AFF2: variants seen among roughly 807,000 people sequenced by gnomAD.
AFF2 encodes ALF transcription elongation factor 2.
In AFF2, 14 loss-of-function variants were observed where a neutral mutation model predicts 76.9. The ratio of observed to expected loss-of-function variants is 0.18; its 90% CI spans 0.12 to 0.28. The LOEUF is 0.28. Among genes scored for constraint, AFF2 ranks in the 10% least tolerant of loss-of-function variants. AFF2 has a pLI of 1.00. For synonymous variants in AFF2, 398 were observed against 366.7 expected (o/e 1.09, Z -0.98); for missense variants, 868 against 1,001.1 (o/e 0.87, Z 1.79).
In AFF2 at chrX:148,837,743, C is replaced by T. The variant is rs782479281; in HGVS notation, c.1173+10C>T. On this transcript the variant is annotated intron_variant, in intron 5 of 20. Coordinates refer to ENST00000370460, the MANE Select transcript of AFF2 (RefSeq NM_002025.4). ...TTCCATCCCAGGACAGGTCAGTTCT[C>T]TTCCTTCCTGCATTTTTGTTTGTCT... 4.5e-6 allele frequency: 5 copies of T among 1,116,910 alleles called. No homozygotes were observed. The South Asian group carries it at 5.8e-5, about 13-fold the overall frequency. The allele number at this position is 1,116,910 out of a possible 1,213,427, so 92.0% of individuals were successfully genotyped here. A position where few individuals can be genotyped will look rare whatever the true frequency, so the allele number is the denominator to read the frequency against.
chrX:148,720,149 C>T lies in AFF2; in HGVS notation c.1041+57381C>T, dbSNP rs138474497. ...CTATGAGCATAATATACTCCAACTA[C>T]AGTAATTCACCTTGCTGAAGTGGCT... On this transcript the variant is annotated intron_variant, in intron 3 of 20. Transcript: ENST00000370460. Among the ~76,000 whole-genome samples the T allele has an allele frequency of 7.6e-3, 848 of 111,063 alleles. 7 individuals carry two copies. The highest frequency in any genetic ancestry group is 0.026 in the African/African-American group (803 of 30,553).
chrX:148,703,407 C>A (rs1410977784), intron 3 of AFF2, among the ~76,000 whole-genome samples: 1 of 112,034 alleles, frequency 8.9e-6, no homozygotes, highest in African/African-American at 3.2e-5. Flanking sequence ...CCAAATGATT[C>A]TTTTAAAAAT....
chrX:148,528,129 G>A (rs1557235438), intron 1 of AFF2, among the ~76,000 whole-genome samples: 1 of 111,945 alleles, frequency 8.9e-6, no homozygotes, highest in Admixed American at 9.5e-5. Context: ...GCTAGGAGAA[G>A]AGCAAAGACT....
intron 7 of AFF2, among the ~76,000 whole-genome samples, chrX:148,876,260 A>C (rs1557277875): frequency 8.9e-6 from 1 of 111,957 alleles, no homozygotes; most frequent in Non-Finnish European, 1.9e-5. Context: ...GACACTCAGA[A>C]GTTCAAGGGA....
chrX:148,775,459 C>A (rs1281028081), intron 3 of AFF2, among the ~76,000 whole-genome samples: 1 of 111,868 alleles, frequency 8.9e-6, no homozygotes, highest in Non-Finnish European at 1.9e-5. Flanking sequence ...GCCAGTGAAG[C>A]AAAGTGAGGA....
intron 3 of AFF2, among the ~76,000 whole-genome samples, chrX:148,756,578 A>G (rs1188161800): frequency 8.9e-6 from 1 of 112,814 alleles, no homozygotes; most frequent in Non-Finnish European, 1.9e-5. Context: ...CTGACATCTC[A>G]GTAGTAGTAC....
chrX:148,753,929 A>G (rs1008577175), intron 3 of AFF2, among the ~76,000 whole-genome samples: 1 of 111,176 alleles, frequency 9.0e-6, no homozygotes, highest in Non-Finnish European at 1.9e-5. Flanking sequence ...CAATCTTACT[A>G]CGTATGTCTA....
chrX:148,908,810 T>C (rs782316646), intron 9 of AFF2, among the ~76,000 whole-genome samples: 4 of 112,406 alleles, frequency 3.6e-5, no homozygotes, highest in Non-Finnish European at 7.5e-5. Context: ...ATGTGAAAAT[T>C]ATATGAAATT....
At chrX:148,830,210 C>G (rs180857433) in intron 4 of AFF2, among the ~76,000 whole-genome samples, 5 of 112,160 alleles carry the variant, frequency 4.5e-5, no homozygotes, top group Admixed American at 1.9e-4. Flanking sequence ...TCGTTTGGAA[C>G]AGCCAAGCTC....
intron 9 of AFF2, among the ~76,000 whole-genome samples, chrX:148,948,898 G>A (rs1314876086): frequency 1.8e-5 from 2 of 111,213 alleles, no homozygotes; most frequent in African/African-American, 6.6e-5. Context: ...CTCACCTAAA[G>A]TGCAGGGTTC....
intron 9 of AFF2, among the ~76,000 whole-genome samples, chrX:148,940,358 A>G (rs1383251400): frequency 8.9e-6 from 1 of 112,155 alleles, no homozygotes; most frequent in Non-Finnish European, 1.9e-5. Flanking sequence ...AGGGGATATG[A>G]TGTAACCTTC....
chrX:148,707,569 G>A (rs1490756104), intron 3 of AFF2, among the ~76,000 whole-genome samples: 2 of 109,914 alleles, frequency 1.8e-5, no homozygotes, highest in African/African-American at 6.6e-5. Context: ...TTGCCAAAAA[G>A]TGTGGGAAGT....
At chrX:148,879,385 G>T (rs1557278221) in intron 7 of AFF2, among the ~76,000 whole-genome samples, 1 of 112,078 alleles carries the variant, frequency 8.9e-6, no homozygotes. Flanking sequence ...TTAACTAGAT[G>T]AGTTGTTTTT....
chrX:148,661,873 T>C (rs2054308641), intron 2 of AFF2, 35 bp from the exon 3 acceptor site: 1 of 1,151,642 alleles, frequency 8.7e-7, no homozygotes, highest in Non-Finnish European at 1.2e-6. Flanking sequence ...CTATTCATTC[T>C]CTCTCCTCCC....
rs1464057179 is a variant in AFF2 at position 148,999,132 on chromosome X, G to A, written c.*7800G>A. On this transcript the variant is annotated 3_prime_UTR_variant, in exon 21 of 21. Coordinates refer to ENST00000370460, the MANE Select transcript of AFF2 (RefSeq NM_002025.4). ...TGAGACCTAATGCAGTTTAACAAATGACTCCACCTATTTTTCCAGTAGGTA... is the reference window on the plus strand; with the variant it reads ...TGAGACCTAATGCAGTTTAACAAATAACTCCACCTATTTTTCCAGTAGGTA... The A allele has an allele frequency of 1.8e-5, 2 of 111,528 alleles. No homozygotes were observed. Among genetic ancestry groups the A allele is most frequent in the Non-Finnish European group, 3.8e-5 (2 of 53,086 alleles). 9.2% of individuals were successfully genotyped at this position (111,528 alleles called of 1,213,427 possible).
At chrX:148,649,905 G>C (rs1481575836) in intron 1 of AFF2, among the ~76,000 whole-genome samples, 1 of 111,559 alleles carries the variant, frequency 9.0e-6, no homozygotes. Flanking sequence ...TTAGCTGTCA[G>C]GTGCACAAAA....
intron 9 of AFF2, among the ~76,000 whole-genome samples, chrX:148,946,598 G>A (rs1414103039): frequency 8.9e-6 from 1 of 112,626 alleles, no homozygotes; most frequent in Non-Finnish European, 1.9e-5. Context: ...AGGTTCTAAG[G>A]AACAAACTGT....
chrX:148,936,478 A>G (rs145689384), intron 9 of AFF2, among the ~76,000 whole-genome samples: 1,228 of 112,110 alleles, frequency 0.011, 17 homozygotes, highest in African/African-American at 0.037. Context: ...TCACCATGAC[A>G]CTTCTCTAGG....
intron 3 of AFF2, among the ~76,000 whole-genome samples, chrX:148,708,133 C>T (rs1220482456): frequency 8.9e-6 from 1 of 111,973 alleles, no homozygotes; most frequent in African/African-American, 3.2e-5. Flanking sequence ...CTTGCTCACT[C>T]ATTGTTGCAA....
Sources: allele counts gnomAD v4.1 joint callset (sites outside exome capture counted in the v4.1 genomes callset), GRCh38; gene constraint gnomAD v4.1.1; transcripts MANE v1.5; gene names NCBI Gene and HGNC (gene_info 2026-07-23, HGNC 2026-07-21).